SYT1: variants seen among roughly 807,000 people sequenced by gnomAD.
The protein encoded by SYT1 is synaptotagmin-1.
SYT1 carries 8 observed loss-of-function variants against 44.8 expected under a neutral mutation model. That is an observed-to-expected ratio of 0.18 (90% CI 0.10 to 0.32). The LOEUF is 0.32. SYT1 is among the 10% of genes least tolerant of loss of function. The pLI is 1.00. For synonymous variants in SYT1, 154 were observed against 188.8 expected (o/e 0.82, Z 1.51); for missense variants, 286 against 509.3 (o/e 0.56, Z 4.22).
intron 1 of SYT1, among the ~76,000 whole-genome samples, chr12:78,887,349 G>T (rs908673695): frequency 6.6e-6 from 1 of 151,830 alleles, no homozygotes; most frequent in African/African-American, 2.4e-5. Context: ...ACTTAATAAT[G>T]GCCCAAATGC....
chr12:79,030,682 G>A (rs1872776006), intron 2 of SYT1, among the ~76,000 whole-genome samples: 1 of 150,942 alleles, frequency 6.6e-6, no homozygotes, highest in South Asian at 2.1e-4. Context: ...AAAATGCTTT[G>A]CCCAAAATAG....
chr12:79,253,481 C>A (rs903534079), intron 4 of SYT1, among the ~76,000 whole-genome samples: 1 of 122,048 alleles, frequency 8.2e-6, no homozygotes, highest in African/African-American at 3.5e-5. Context: ...AGCCATTGCC[C>A]AGTCTCTCTC....
chr12:79,273,541 G>T (rs1489118147), intron 4 of SYT1, among the ~76,000 whole-genome samples: 1 of 152,150 alleles, frequency 6.6e-6, no homozygotes, highest in Non-Finnish European at 1.5e-5. Context: ...AAGAGGGAGA[G>T]ACCATCACCA....
At chr12:78,911,234 AGT>A (rs1451047585) in intron 1 of SYT1, among the ~76,000 whole-genome samples, 3 of 152,038 alleles carry the variant, frequency 2.0e-5, no homozygotes, top group African/African-American at 7.2e-5. Flanking sequence ...AAACACACTG[AGT>A]GTGTGGGAAG....
At chr12:79,035,308 A>C (rs1489673966) in intron 2 of SYT1, among the ~76,000 whole-genome samples, 1 of 151,668 alleles carries the variant, frequency 6.6e-6, no homozygotes, top group African/African-American at 2.4e-5. Flanking sequence ...CTTCCCCAAA[A>C]GTTGGGAAAG....
intron 8 of SYT1, among the ~76,000 whole-genome samples, chr12:79,331,033 C>T (rs756066927): frequency 2.6e-5 from 4 of 152,066 alleles, no homozygotes; most frequent in Non-Finnish European, 5.9e-5. Context: ...TCTTAGTGAC[C>T]CCAGGAAAAA....
At chr12:79,296,372 A>G in intron 7 of SYT1, 136 bp downstream of exon 7, 1 of 887,660 alleles carries the variant, frequency 1.1e-6, no homozygotes, top group Non-Finnish European at 1.7e-6. Context: ...AATATGCAAA[A>G]TTCTTATCTT....
chr12:79,013,593 A>G (rs993110066), intron 2 of SYT1, among the ~76,000 whole-genome samples: 1 of 152,202 alleles, frequency 6.6e-6, no homozygotes, highest in East Asian at 1.9e-4. Flanking sequence ...ATATTTCACT[A>G]TATTTCCTGC....
At chr12:79,034,689 A>G (rs1054094357) in intron 2 of SYT1, among the ~76,000 whole-genome samples, 40 of 151,748 alleles carry the variant, frequency 2.6e-4, no homozygotes, top group Middle Eastern at 3.2e-3. Context: ...CTGCTTCTCC[A>G]TAAATAGGCA....
Position 78,876,878 on chromosome 12 carries a change from G to GTATTATA in SYT1, c.-217+11773_-217+11779dup, listed in dbSNP as rs1874182652. On this transcript the variant is annotated intron_variant, in intron 1 of 10. Transcript: ENST00000261205. ...ATATAATATATATAATATATTATAT[G>GTATTATA]TATTATATATAATATATATTATATA... Among the ~76,000 whole-genome samples the GTATTATA allele has an allele frequency of 4.0e-4, 5 of 12,554 alleles. No homozygotes were observed. The South Asian group carries it at 0.011, about 28-fold the overall frequency. 8.2% of individuals were successfully genotyped at this position (12,554 alleles called of 152,430 possible). A position where few individuals can be genotyped will look rare whatever the true frequency, so the allele number is the denominator to read the frequency against.
chr12:79,276,761 A>G (rs777652476), intron 4 of SYT1, among the ~76,000 whole-genome samples: 1 of 151,970 alleles, frequency 6.6e-6, no homozygotes, highest in Non-Finnish European at 1.5e-5. Context: ...TTTAACAGTA[A>G]ACTAGACCAA....
intron 8 of SYT1, among the ~76,000 whole-genome samples, chr12:79,330,248 A>G (rs562299960): frequency 2.0e-5 from 3 of 152,340 alleles, no homozygotes; most frequent in African/African-American, 7.2e-5. Flanking sequence ...TCAGGAAGAC[A>G]TGAAAGCAAT....
Position 79,171,490 on chromosome 12 carries a change from C to T in SYT1, c.-17-46013C>T, listed in dbSNP as rs372085785. 3.3e-5 allele frequency among the ~76,000 whole-genome samples: 5 copies of T among 151,966 alleles called. No individual in the cohort carries two copies. The East Asian group carries it at 7.8e-4, about 24-fold the overall frequency. ...ATTTTTAAGGAAGATGATTCTTGCT[C>T]CTACTAAATAACTATAGAAGAGGAA... On this transcript the variant is annotated intron_variant, in intron 3 of 10. Coordinates refer to ENST00000261205, the MANE Select transcript of SYT1 (RefSeq NM_005639.3).
intron 1 of SYT1, among the ~76,000 whole-genome samples, chr12:78,897,859 G>C (rs1875447019): frequency 6.6e-6 from 1 of 151,934 alleles, no homozygotes; most frequent in African/African-American, 2.4e-5. Flanking sequence ...CATGAAGTTA[G>C]TGTACACAGC....
intron 2 of SYT1, among the ~76,000 whole-genome samples, chr12:78,999,534 G>T (rs1870597137): frequency 6.6e-6 from 1 of 152,000 alleles, no homozygotes; most frequent in Admixed American, 6.6e-5. Flanking sequence ...AATCCCTCCA[G>T]CCTGGAAGAA....
At chr12:79,309,348 A>T (rs954455373) in intron 8 of SYT1, among the ~76,000 whole-genome samples, 3 of 149,928 alleles carry the variant, frequency 2.0e-5, no homozygotes, top group African/African-American at 7.4e-5. Flanking sequence ...TTGAATTCTG[A>T]CCTCCCATGT....
chr12:78,974,172 G>A (rs1461600778), intron 1 of SYT1, among the ~76,000 whole-genome samples: 1 of 150,140 alleles, frequency 6.7e-6, no homozygotes, highest in East Asian at 2.0e-4. Context: ...TTACTTCAAT[G>A]AACACTGTAG....
chr12:79,240,450 A>G (rs566967603), intron 4 of SYT1, among the ~76,000 whole-genome samples: 5 of 152,306 alleles, frequency 3.3e-5, no homozygotes, highest in Admixed American at 1.3e-4. Flanking sequence ...CTTCCAGTGC[A>G]GATTCTTTAG....
chr12:79,266,893 TG>T (rs1346111028), intron 4 of SYT1, among the ~76,000 whole-genome samples: 1 of 152,218 alleles, frequency 6.6e-6, no homozygotes, highest in Non-Finnish European at 1.5e-5. Context: ...TTGTTTTCAC[TG>T]TTGCCTACCT....
Sources: gnomAD v4.1 joint callset for allele counts (sites outside exome capture counted in the v4.1 genomes callset) on GRCh38, gnomAD v4.1.1 for gene constraint, MANE v1.5 for transcripts, NCBI Gene and HGNC (gene_info 2026-07-23, HGNC 2026-07-21) for gene names.